ABR: variants seen among roughly 807,000 people sequenced by gnomAD.
The protein encoded by ABR is ABR activator of RhoGEF and GTPase, also known as active breakpoint cluster region-related protein.
In ABR, 35 loss-of-function variants were observed where a neutral mutation model predicts 107.2. The ratio of observed to expected loss-of-function variants is 0.33; its 90% CI spans 0.25 to 0.43. ABR has a LOEUF of 0.43. ABR is among the 20% of genes least tolerant of loss of function. ABR has a pLI of 1.00. For missense variants in ABR, 815 were observed against 1,115.2 expected (o/e 0.73, Z 3.83); for synonymous variants, 498 against 462.0 (o/e 1.08, Z -1.00).
At chr17:1,219,070 TCTCA>T (rs2043066464) in intron 1 of ABR, among the ~76,000 whole-genome samples, 1 of 151,032 alleles carries the variant, frequency 6.6e-6, no homozygotes, top group Non-Finnish European at 1.5e-5. Flanking sequence ...TGTAACAGAG[TCTCA>T]CTCTGTTGTC....
intron 10 of ABR, among the ~76,000 whole-genome samples, chr17:1,059,950 C>T (rs539490538): frequency 6.6e-6 from 1 of 152,200 alleles, no homozygotes; most frequent in African/African-American, 2.4e-5. Context: ...TAAGCGCACA[C>T]TCACCCTGCC....
At chr17:1,019,855 T>C (rs1258041543) in intron 16 of ABR, among the ~76,000 whole-genome samples, 1 of 152,178 alleles carries the variant, frequency 6.6e-6, no homozygotes, top group Non-Finnish European at 1.5e-5. Context: ...GGGGAGCAGG[T>C]ACTTGGGGGA....
In ABR at chr17:1,005,948, C is replaced by A; in HGVS notation, c.*132G>T. The A allele has an allele frequency of 1.1e-6, 1 of 870,086 alleles. No individual in the cohort carries two copies. Among genetic ancestry groups the A allele is most frequent in the South Asian group, 1.6e-5 (1 of 63,638 alleles). The allele number at this position is 870,086 out of a possible 1,614,324, so 53.9% of individuals were successfully genotyped here. On this transcript the variant is annotated 3_prime_UTR_variant, in exon 23 of 23. Coordinates refer to ENST00000302538, the MANE Select transcript of ABR (RefSeq NM_021962.5). The stretch of plus-strand genomic sequence containing the variant: ...CACAAAAGACGTACGCATTCCAGTT[C>A]TTGGAAGCTGGCTTCCCTCGAGTCT...
At chr17:1,059,945 G>A (rs532229698) in intron 10 of ABR, among the ~76,000 whole-genome samples, 57 of 152,248 alleles carry the variant, frequency 3.7e-4, no homozygotes, top group African/African-American at 1.2e-3. Context: ...TCAATTAAGC[G>A]CACACTCACC....
In ABR at chr17:1,157,873, G is replaced by C. The variant is rs1026502796; in HGVS notation, c.61+21794C>G. On this transcript the variant is annotated intron_variant, in intron 1 of 22. Coordinates refer to ENST00000302538, the MANE Select transcript of ABR (RefSeq NM_021962.5). This position sits in a 1 kb window ranked among gnomAD's most constrained non-coding sequence, Gnocchi z 4.7. The stretch of plus-strand genomic sequence containing the variant: ...CTGCAGGTCAGCCTAGGAAGGGATC[G>C]TGCAGTTTGGTAGGTCACCTTCTAG... Among the ~76,000 whole-genome samples, 2 of 152,228 alleles carry C rather than the reference G, an allele frequency of 1.3e-5. No homozygotes were observed. The highest frequency in any genetic ancestry group is 2.9e-5 in the Non-Finnish European group (2 of 68,036).
intron 1 of ABR, among the ~76,000 whole-genome samples, chr17:1,213,204 A>G (rs1337126817): frequency 6.6e-6 from 1 of 152,190 alleles, no homozygotes; most frequent in Non-Finnish European, 1.5e-5. Flanking sequence ...CCAGGAAATG[A>G]TGAGATGTGA....
Position 1,148,320 on chromosome 17 carries a change from G to C in ABR, c.62-22953C>G, listed in dbSNP as rs1293572784. ...GAACCTTGGGGGCATTAGGCTACGTGAAAGAAGCTGGTCACAGAAAGGCAA... is the reference window on the plus strand; with the variant it reads ...GAACCTTGGGGGCATTAGGCTACGTCAAAGAAGCTGGTCACAGAAAGGCAA... On this transcript the variant is annotated intron_variant, in intron 1 of 22. Transcript: ENST00000302538. This position sits in a 1 kb window ranked among gnomAD's most constrained non-coding sequence, Gnocchi z 4.9. Among the ~76,000 whole-genome samples, 1 of 152,324 alleles carries C rather than the reference G, an allele frequency of 6.6e-6. No individual in the cohort carries two copies. The highest frequency in any genetic ancestry group is 1.5e-5 in the Non-Finnish European group (1 of 68,034).
chr17:1,144,598 A>AG (rs1567821513), intron 1 of ABR, among the ~76,000 whole-genome samples: 1 of 151,706 alleles, frequency 6.6e-6, no homozygotes, highest in Non-Finnish European at 1.5e-5. Context: ...CAAAAAAAAA[A>AG]AAAGGGGCAG....
intron 10 of ABR, among the ~76,000 whole-genome samples, chr17:1,061,866 G>A (rs959449620): frequency 2.0e-5 from 3 of 152,148 alleles, no homozygotes; most frequent in South Asian, 2.1e-4. Context: ...TGTTTTCTAC[G>A]TGTCGAATAT....
intron 1 of ABR, among the ~76,000 whole-genome samples, chr17:1,168,873 C>T (rs927925028): frequency 6.6e-6 from 1 of 152,242 alleles, no homozygotes; most frequent in Non-Finnish European, 1.5e-5. Context: ...AGATTCTACA[C>T]CCAAAGATGG....
Position 1,003,986 on chromosome 17 carries a change from G to C in ABR, c.*2094C>G, listed in dbSNP as rs1450266250. On this transcript the variant is annotated 3_prime_UTR_variant, in exon 23 of 23. Transcript: ENST00000302538. Reference sequence around the variant, plus strand: ...GTGGGATTTATAAATATGAGCCTTTGCATTTCTCAGCCTTTGCAGCCTTCC... The same window carrying C: ...GTGGGATTTATAAATATGAGCCTTTCCATTTCTCAGCCTTTGCAGCCTTCC... 6.6e-6 allele frequency: 1 copy of C among 152,276 alleles called. No homozygotes were observed. The highest frequency in any genetic ancestry group is 2.4e-5 in the African/African-American group (1 of 41,468). 9.4% of individuals were successfully genotyped at this position (152,276 alleles called of 1,614,324 possible). A position where few individuals can be genotyped will look rare whatever the true frequency, so the allele number is the denominator to read the frequency against.
At chr17:1,143,573 GT>G (rs775385186) in intron 1 of ABR, among the ~76,000 whole-genome samples, 64 of 151,916 alleles carry the variant, frequency 4.2e-4, no homozygotes, top group Middle Eastern at 3.4e-3. Flanking sequence ...TGCAGGAGTT[GT>G]TTGCTCCGGC....
intron 3 of ABR, among the ~76,000 whole-genome samples, chr17:1,094,303 T>A (rs1263265703): frequency 6.6e-6 from 1 of 152,024 alleles, no homozygotes; most frequent in East Asian, 1.9e-4. Context: ...GAAACTGGGA[T>A]AATACAGCCA....
At chr17:1,127,750 G>A (rs1567802487) in intron 1 of ABR, among the ~76,000 whole-genome samples, 1 of 152,138 alleles carries the variant, frequency 6.6e-6, no homozygotes, top group Non-Finnish European at 1.5e-5. Context: ...TCGCAGGAAT[G>A]GACCCCACAC....
In ABR at chr17:1,045,244, C is replaced by T. The variant is rs144089885; in HGVS notation, c.1791+4806G>A. On this transcript the variant is annotated intron_variant, in intron 16 of 22. Coordinates refer to ENST00000302538, the MANE Select transcript of ABR (RefSeq NM_021962.5). ...AAACCCAGGGCTTCCAAATCGCTCT[C>T]GTTCCACCTCCTCCTTGAAGCCTCC... Among the ~76,000 whole-genome samples the T allele has an allele frequency of 3.3e-5, 5 of 152,346 alleles. No homozygotes were observed. In the East Asian group the frequency reaches 7.7e-4, roughly 23 times the overall value.
intron 2 of ABR, 118 bp downstream of exon 2, chr17:1,125,065 G>T: frequency 2.8e-6 from 3 of 1,076,444 alleles, no homozygotes; most frequent in South Asian, 1.7e-5. Flanking sequence ...AGAACGGCCA[G>T]GTCCAAACGT....
intron 1 of ABR, among the ~76,000 whole-genome samples, chr17:1,147,355 G>GT (rs1190929792): frequency 1.5e-5 from 2 of 137,546 alleles, no homozygotes; most frequent in South Asian, 2.5e-4. Flanking sequence ...TTTGTGGGGG[G>GT]TTTTGGTTGT....
chr17:1,132,300 A>G (rs1057128743), intron 1 of ABR, among the ~76,000 whole-genome samples: 2 of 151,850 alleles, frequency 1.3e-5, no homozygotes, highest in African/African-American at 4.8e-5. Context: ...TTGCCCTCAA[A>G]TCTGCCTCAT....
intron 1 of ABR, among the ~76,000 whole-genome samples, chr17:1,206,963 T>C (rs910036527): frequency 6.6e-6 from 1 of 152,140 alleles, no homozygotes; most frequent in African/African-American, 2.4e-5. Flanking sequence ...CATGCGCCTG[T>C]AATCCCAGCT....
Sources: gnomAD v4.1 joint callset for allele counts (sites outside exome capture counted in the v4.1 genomes callset) on GRCh38, gnomAD v4.1.1 for gene constraint, Gnocchi (gnomAD v3.1) non-coding constraint, MANE v1.5 for transcripts, NCBI Gene and HGNC (gene_info 2026-07-23, HGNC 2026-07-21) for gene names.